The following CCL17 variants were observed in gnomAD, a reference collection of about 807,000 sequenced individuals.
CCL17 encodes the protein C-C motif chemokine 17.
CCL17 carries 8 observed loss-of-function variants against 7.4 expected under a neutral mutation model. The ratio of observed to expected loss-of-function variants is 1.09; its 90% CI spans 0.64 to 1.96. The LOEUF (loss-of-function observed/expected upper bound fraction) is 1.96. CCL17 is among the 30% of genes most tolerant of loss of function. The probability of loss-of-function intolerance (pLI) is 0.00; values close to 1 mark genes in which losing one functional copy is unlikely to be tolerated. For synonymous variants in CCL17, 40 were observed against 46.1 expected (o/e 0.87, Z 0.54); for missense variants, 102 against 113.0 (o/e 0.90, Z 0.44).
At chr16:57,401,524 GAAAAAAAA>G (rs148565902), upstream of CCL17, among the ~76,000 whole-genome samples, 25 of 124,130 alleles carry the variant, frequency 2.0e-4, no homozygotes, top group Admixed American at 1.3e-3. Flanking sequence ...ACTCTGTCTG[GAAAAAAAA>G]AAAAAAAGAA....
At chr16:57,411,000 C>A (rs750005643) in intron 1 of CCL17, among the ~76,000 whole-genome samples, 46 of 152,156 alleles carry the variant, frequency 3.0e-4, no homozygotes, top group Non-Finnish European at 5.7e-4. Context: ...ATGCTGTTGC[C>A]CTAATTTATC....
chr16:57,400,788 G>A (rs145495084), upstream of CCL17, among the ~76,000 whole-genome samples: 323 of 152,150 alleles, frequency 2.1e-3, no homozygotes, highest in African/African-American at 7.3e-3. Context: ...GGCCAGCATG[G>A]TGAAACCCCA....
the CCL17 span, among the ~76,000 whole-genome samples, chr16:57,396,474 C>T: frequency 6.6e-6 from 1 of 152,112 alleles, no homozygotes; most frequent in Non-Finnish European, 1.5e-5. Context: ...GAGTGGCTCC[C>T]TGTGTTCTAT....
At chr16:57,411,301 C>G (rs1350499921) in intron 1 of CCL17, among the ~76,000 whole-genome samples, 2 of 152,198 alleles carry the variant, frequency 1.3e-5, no homozygotes, top group Non-Finnish European at 2.9e-5. Context: ...CGCCCTGCAG[C>G]CCTGGGCACA....
intron 1 of CCL17, among the ~76,000 whole-genome samples, chr16:57,412,409 C>T (rs546170658): frequency 2.6e-5 from 4 of 152,346 alleles, no homozygotes; most frequent in Non-Finnish European, 5.9e-5. Flanking sequence ...TACCTAAGGA[C>T]TGATGAGGTT....
upstream of CCL17, among the ~76,000 whole-genome samples, chr16:57,403,631 T>A (rs1223341183): frequency 1.2e-5 from 1 of 82,412 alleles, no homozygotes; most frequent in Non-Finnish European, 2.2e-5. Context: ...ATATATATTA[T>A]ATATATTATA....
chr16:57,403,619 T>A (rs1346764723), upstream of CCL17, among the ~76,000 whole-genome samples: 1 of 76,720 alleles, frequency 1.3e-5, no homozygotes, highest in South Asian at 3.5e-4. Flanking sequence ...TATATATTTA[T>A]AATATATATT....
chr16:57,408,011 A>C (rs1902723713), intron 1 of CCL17, among the ~76,000 whole-genome samples: 1 of 150,430 alleles, frequency 6.6e-6, no homozygotes, highest in Admixed American at 6.6e-5. Flanking sequence ...CCCTCCATCC[A>C]TCCATCTACC....
At chr16:57,414,562 G>A (rs1902837403) in intron 2 of CCL17, among the ~76,000 whole-genome samples, 1 of 151,692 alleles carries the variant, frequency 6.6e-6, no homozygotes, top group African/African-American at 2.4e-5. Context: ...GGGAATATAG[G>A]TGCCCGGCCA....
the CCL17 span, among the ~76,000 whole-genome samples, chr16:57,397,549 GCCTTTTCTCCTTCA>G: frequency 0.042 from 6,457 of 152,262 alleles, 181 homozygotes; most frequent in Middle Eastern, 0.085. Context: ...GTTTCCTTCT[GCCTTTTCTCCTTCA>G]CCTTTTTGAT....
chr16:57,404,106 G>A (rs774838918), upstream of CCL17, among the ~76,000 whole-genome samples: 3 of 152,130 alleles, frequency 2.0e-5, no homozygotes, highest in Admixed American at 6.5e-5. Context: ...AGGGTGGCTG[G>A]GGCAGAGTGA....
intron 1 of CCL17, among the ~76,000 whole-genome samples, chr16:57,407,386 CT>C (rs1902711755): frequency 6.6e-6 from 1 of 152,176 alleles, no homozygotes; most frequent in East Asian, 1.9e-4. Flanking sequence ...TTAGATTCCT[CT>C]GCTTTATCCA....
upstream of CCL17, among the ~76,000 whole-genome samples, chr16:57,400,086 G>T (rs1433447194): frequency 6.6e-6 from 1 of 152,216 alleles, no homozygotes; most frequent in Non-Finnish European, 1.5e-5. Context: ...CTGGCAGGAC[G>T]CGGTGGCTCA....
upstream of CCL17, among the ~76,000 whole-genome samples, chr16:57,403,477 ATTATATAATAAT>A (rs1902636077): frequency 6.9e-3 from 15 of 2,164 alleles, 2 homozygotes; most frequent in Non-Finnish European, 0.013. Flanking sequence ...TATTATATAT[ATTATATAATAAT>A]ATATATATTA....
At chr16:57,413,156 T>A (rs1418913857) in intron 1 of CCL17, among the ~76,000 whole-genome samples, 2 of 152,196 alleles carry the variant, frequency 1.3e-5, no homozygotes, top group Admixed American at 1.3e-4. Context: ...GTGTAAGGCA[T>A]CCCATTTAGG....
chr16:57,410,151 G>A (rs1178129384), intron 1 of CCL17, among the ~76,000 whole-genome samples: 1 of 152,196 alleles, frequency 6.6e-6, no homozygotes, highest in Non-Finnish European at 1.5e-5. Context: ...GAGCATCCTG[G>A]TTCCGCCCAC....
chr16:57,401,080 G>A (rs1485527890), upstream of CCL17, among the ~76,000 whole-genome samples: 1 of 151,730 alleles, frequency 6.6e-6, no homozygotes, highest in East Asian at 1.9e-4. Flanking sequence ...TGTAAATTGT[G>A]GTATAGTTGG....
chr16:57,400,116 T>C (rs1902570889), upstream of CCL17, among the ~76,000 whole-genome samples: 2 of 151,998 alleles, frequency 1.3e-5, no homozygotes, highest in African/African-American at 4.8e-5. Context: ...TCCCAGCACT[T>C]TGGGAGGCGG....
At chr16:57,409,173 A>C (rs796977275) in intron 1 of CCL17, among the ~76,000 whole-genome samples, 1 of 152,256 alleles carries the variant, frequency 6.6e-6, no homozygotes, top group South Asian at 2.1e-4. Flanking sequence ...GAGGGAAGTC[A>C]GTGAACTCTG....
Sources: allele counts gnomAD v4.1 joint callset (sites outside exome capture counted in the v4.1 genomes callset), GRCh38; gene constraint gnomAD v4.1.1; transcripts MANE v1.5; gene names NCBI Gene and HGNC (gene_info 2026-07-23, HGNC 2026-07-21).